Variants in ATAD2 observed in about 807,000 individuals in gnomAD.
The protein encoded by ATAD2 is ATPase family AAA domain containing 2, also known as ATPase family AAA domain-containing protein 2.
ATAD2 carries 62 observed loss-of-function variants against 168.9 expected under a neutral mutation model. The observed-to-expected ratio is 0.37, with a 90% CI of 0.30 to 0.45. The LOEUF (loss-of-function observed/expected upper bound fraction) is 0.45, where lower values mean the gene tolerates loss of function less well. Among genes scored for constraint, ATAD2 ranks in the 20% least tolerant of loss-of-function variants. The pLI is 1.00. For missense variants in ATAD2, 1,419 were observed against 1,667.8 expected (o/e 0.85, Z 2.60); for synonymous variants, 613 against 571.6 (o/e 1.07, Z -1.03).
intron 1 of ATAD2, among the ~76,000 whole-genome samples, chr8:123,388,207 AT>A (rs1216761606): frequency 6.6e-6 from 1 of 151,902 alleles, no homozygotes; most frequent in Non-Finnish European, 1.5e-5. Context: ...TTCTTTATTT[AT>A]TTTTAGAGAT....
chr8:123,336,756 G>A (rs1827925085), intron 21 of ATAD2, among the ~76,000 whole-genome samples: 1 of 151,948 alleles, frequency 6.6e-6, no homozygotes. Flanking sequence ...TTATTCTTGG[G>A]CAGCTGTATT....
chr8:123,379,885 TTATTA>T (rs1829441809), intron 2 of ATAD2, among the ~76,000 whole-genome samples: 7 of 133,240 alleles, frequency 5.3e-5, no homozygotes, highest in African/African-American at 1.6e-4. Flanking sequence ...ATTATTATTA[TTATTA>T]TTTTTTTTTT....
chr8:123,380,112 C>T (rs1563860239), intron 2 of ATAD2, among the ~76,000 whole-genome samples: 1 of 151,888 alleles, frequency 6.6e-6, no homozygotes, highest in Non-Finnish European at 1.5e-5. Context: ...AGTGCAGTGG[C>T]GCGATCTCAG....
upstream of ATAD2, among the ~76,000 whole-genome samples, chr8:123,400,075 A>C (rs60258658): frequency 0.047 from 7,050 of 150,808 alleles, 571 homozygotes; most frequent in African/African-American, 0.16. The surrounding 1 kb of genome is among the most constrained non-coding windows in gnomAD (Gnocchi z 4.5). Context: ...GAGGCAGGAG[A>C]ACTGCTTGAA....
chr8:123,372,892 C>CTTTTT (rs766308467), intron 2 of ATAD2, among the ~76,000 whole-genome samples: 1 of 137,938 alleles, frequency 7.2e-6, no homozygotes, highest in Non-Finnish European at 1.6e-5. Flanking sequence ...ATCCAGCTAA[C>CTTTTT]TTTTTTTTTT....
upstream of ATAD2, among the ~76,000 whole-genome samples, chr8:123,399,260 CA>C (rs71573678): frequency 3.4e-3 from 365 of 108,372 alleles, 2 homozygotes; most frequent in Middle Eastern, 9.4e-3. Context: ...GACTCCGTCT[CA>C]AAAAAAAAAA....
chr8:123,368,800 C>G lies in ATAD2; in HGVS notation c.1049+258G>C, dbSNP rs528058687. 2.0e-5 allele frequency among the ~76,000 whole-genome samples: 3 copies of G among 152,210 alleles called. No individual in the cohort carries two copies. The South Asian group carries it at 6.2e-4, about 32-fold the overall frequency. On this transcript the variant is annotated intron_variant, in intron 8 of 27. Transcript: ENST00000287394. Reference sequence around the variant, plus strand: ...ACAGTAAACCCTGAGTCTAAGGTTGCTCTATTATTAAAGTGTGGAAAAATG... The same window carrying G: ...ACAGTAAACCCTGAGTCTAAGGTTGGTCTATTATTAAAGTGTGGAAAAATG...
At chr8:123,325,589 T>C (rs1451380118) in intron 26 of ATAD2, among the ~76,000 whole-genome samples, 1 of 151,960 alleles carries the variant, frequency 6.6e-6, no homozygotes, top group African/African-American at 2.4e-5. Context: ...CCCAGCCTAA[T>C]TTTTTATTTT....
At chr8:123,361,162 C>G (rs1000972394) in intron 9 of ATAD2, among the ~76,000 whole-genome samples, 40 of 151,586 alleles carry the variant, frequency 2.6e-4, no homozygotes, top group African/African-American at 9.2e-4. Flanking sequence ...ATTAAAACTA[C>G]AAAAATGAGC....
rs750374973 is a variant in ATAD2 at position 123,328,519 on chromosome 8, C to G, written c.3539G>C (p.Arg1180Pro). The G allele has an allele frequency of 6.3e-7, 1 of 1,592,442 alleles. No homozygotes were observed. The highest frequency in any genetic ancestry group is 8.5e-7 in the Non-Finnish European group (1 of 1,172,142). Residue 1180 changes from arginine (R) to proline (P), a missense_variant, in exon 25 of 28, where the codon CGA becomes CCA. Coordinates refer to ENST00000287394, the MANE Select transcript of ATAD2 (RefSeq NM_014109.4). ...SNWYLGTIKKRRKISQAKDDS... is the reference protein window; with the variant it reads ...SNWYLGTIKKPRKISQAKDDS... Reference sequence around the variant, plus strand: ...ATCCTTTGCCTGTGAAATCTTCCTTCGCTTTTTTATGGTGCCTAAGTACCA... The same window carrying G: ...ATCCTTTGCCTGTGAAATCTTCCTTGGCTTTTTTATGGTGCCTAAGTACCA...
At chr8:123,354,252 C>T (rs1015584384) in intron 13 of ATAD2, among the ~76,000 whole-genome samples, 2 of 152,162 alleles carry the variant, frequency 1.3e-5, no homozygotes, top group African/African-American at 4.8e-5. Context: ...CATTATTCTA[C>T]AGTATTATTA....
At chr8:123,369,670 A>G (rs1829079890) in intron 7 of ATAD2, 151 bp downstream of exon 7, 2 of 652,176 alleles carry the variant, frequency 3.1e-6, no homozygotes, top group African/African-American at 1.8e-5. Context: ...ATTATTTGTT[A>G]CAAACTTAGG....
chr8:123,349,132 GAAT>G, intron 14 of ATAD2, among the ~76,000 whole-genome samples, 150 bp downstream of exon 14: 1 of 152,162 alleles, frequency 6.6e-6, no homozygotes, highest in Admixed American at 6.5e-5. Context: ...TTAAAGAAAA[GAAT>G]AAAAATTTGT....
chr8:123,333,234 A>C (rs1228434984), intron 24 of ATAD2, among the ~76,000 whole-genome samples: 22 of 129,736 alleles, frequency 1.7e-4, no homozygotes, highest in Middle Eastern at 3.6e-3. Flanking sequence ...AAAAATACAA[A>C]AAAAAAAAAA....
intron 1 of ATAD2, among the ~76,000 whole-genome samples, chr8:123,412,156 C>A (rs1813168142): frequency 6.6e-6 from 1 of 152,200 alleles, no homozygotes; most frequent in African/African-American, 2.4e-5. Flanking sequence ...CTAGATATGG[C>A]CCCCAATAAG....
intron 1 of ATAD2, among the ~76,000 whole-genome samples, chr8:123,410,407 C>T (rs1813137285): frequency 6.6e-6 from 1 of 152,174 alleles, no homozygotes; most frequent in Non-Finnish European, 1.5e-5. Flanking sequence ...CTGCCTCAGC[C>T]TCCCGAGTAG....
chr8:123,414,133 C>T (rs1817527), intron 1 of ATAD2, among the ~76,000 whole-genome samples: 133,637 of 142,394 alleles, frequency 0.94, 62,727 homozygotes, highest in East Asian at 0.99. Context: ...ATAGGGTATG[C>T]GGGAAATAAT....
At chr8:123,385,359 A>G (rs1829617872) in intron 1 of ATAD2, among the ~76,000 whole-genome samples, 1 of 152,236 alleles carries the variant, frequency 6.6e-6, no homozygotes, top group Non-Finnish European at 1.5e-5. Context: ...TGCTCATGTT[A>G]TTATTTTTAA....
chr8:123,344,906 G>A lies in ATAD2; in HGVS notation c.2696C>T (p.Pro899Leu). ...PVLLLATSDKPHSALPEEVQE... is the reference protein window; with the variant it reads ...PVLLLATSDKLHSALPEEVQE... ...TACCTCTTCTGGCAAAGCGGAATGG[G>A]GTTTGTCAGAAGTTGCAAGTAGTAA... Residue 899 changes from proline (P) to leucine (L), a missense_variant, in exon 19 of 28, where the codon CCC becomes CTC. This residue lies in a region of ATAD2 where 545 missense variants were observed against 724.9 expected (regional missense o/e 0.75). Transcript: ENST00000287394. 1 of 1,614,056 alleles carries A rather than the reference G, an allele frequency of 6.2e-7. No homozygotes were observed. The highest frequency in any genetic ancestry group is 1.1e-5 in the South Asian group (1 of 91,082).
Sources: allele counts gnomAD v4.1 joint callset (sites outside exome capture counted in the v4.1 genomes callset), GRCh38; gene constraint gnomAD v4.1.1; regional missense constraint gnomAD v4.1.1; non-coding constraint Gnocchi (gnomAD v3.1); transcripts MANE v1.5; gene names NCBI Gene and HGNC (gene_info 2026-07-23, HGNC 2026-07-21).